Variants in KCTD8 observed in about 807,000 individuals in gnomAD.
KCTD8 encodes BTB/POZ domain-containing protein KCTD8.
KCTD8 carries 27 observed loss-of-function variants against 31.5 expected under a neutral mutation model. The observed-to-expected ratio is 0.86, with a 90% CI of 0.63 to 1.18. The LOEUF is 1.18. KCTD8 is among the 50% of genes most tolerant of loss of function. KCTD8 has a pLI of 0.00. For missense variants in KCTD8, 658 were observed against 647.7 expected, an observed-to-expected ratio of 1.02 and a Z score of -0.17; for synonymous variants, 290 against 280.0, an observed-to-expected ratio of 1.04 and a Z score of -0.36.
intron 1 of KCTD8, among the ~76,000 whole-genome samples, chr4:44,374,469 C>T (rs558430627): frequency 3.8e-4 from 58 of 152,286 alleles, no homozygotes; most frequent in African/African-American, 1.4e-3. Context: ...ACTTTCTTAT[C>T]ATTGTGTGTT....
chr4:44,409,379 A>C (rs1720898042), intron 1 of KCTD8, among the ~76,000 whole-genome samples: 1 of 152,138 alleles, frequency 6.6e-6, no homozygotes. Flanking sequence ...GACATTTTAC[A>C]CTGTATAAAT....
intron 1 of KCTD8, among the ~76,000 whole-genome samples, chr4:44,342,573 A>G (rs1055815282): frequency 4.6e-5 from 7 of 152,164 alleles, no homozygotes; most frequent in Non-Finnish European, 1.0e-4. Context: ...TTGGCTTTAA[A>G]GTCTTCAGTT....
chr4:44,441,341 T>G (rs2109484456), intron 1 of KCTD8, among the ~76,000 whole-genome samples: 1 of 152,288 alleles, frequency 6.6e-6, no homozygotes, highest in African/African-American at 2.4e-5. Flanking sequence ...TGGACTCAAA[T>G]GCTTTATTTT....
chr4:44,252,283 C>A (rs1004820867), intron 1 of KCTD8, among the ~76,000 whole-genome samples: 2 of 150,930 alleles, frequency 1.3e-5, no homozygotes, highest in African/African-American at 4.9e-5. Context: ...TGGGCTAGTT[C>A]CATATTTTTT....
chr4:44,378,717 A>G (rs1028002061), intron 1 of KCTD8, among the ~76,000 whole-genome samples: 1 of 152,148 alleles, frequency 6.6e-6, no homozygotes, highest in Non-Finnish European at 1.5e-5. Context: ...CCCAAGTCAC[A>G]TAAAGATTTG....
At chr4:44,250,330 G>A (rs1715790427) in intron 1 of KCTD8, among the ~76,000 whole-genome samples, 1 of 151,760 alleles carries the variant, frequency 6.6e-6, no homozygotes, top group Admixed American at 6.6e-5. Context: ...AATTTGATGA[G>A]AGTCTAATGA....
intron 1 of KCTD8, among the ~76,000 whole-genome samples, chr4:44,297,312 A>C (rs1460330237): frequency 6.6e-6 from 1 of 152,158 alleles, no homozygotes; most frequent in Non-Finnish European, 1.5e-5. Context: ...ATTGCTTTGC[A>C]AATTAAATCA....
At chr4:44,369,976 G>A (rs570322517) in intron 1 of KCTD8, among the ~76,000 whole-genome samples, 4 of 152,092 alleles carry the variant, frequency 2.6e-5, no homozygotes, top group African/African-American at 9.6e-5. Flanking sequence ...CACATTTCTT[G>A]AATTAAAAAA....
chr4:44,368,511 AG>A (rs1270573676), intron 1 of KCTD8, among the ~76,000 whole-genome samples: 2 of 152,238 alleles, frequency 1.3e-5, no homozygotes, highest in African/African-American at 2.4e-5. Context: ...GATTAGGTGG[AG>A]GACCACATTT....
chr4:44,269,718 AAAGTGGGCAAAGGATATGAAC>A (rs1278564093), intron 1 of KCTD8, among the ~76,000 whole-genome samples: 67 of 152,256 alleles, frequency 4.4e-4, no homozygotes, highest in African/African-American at 1.5e-3. Flanking sequence ...ACCCCATCAA[AAAGTGGGCAAAGGATATGAAC>A]AGACACTTCT....
At chr4:44,216,276 C>T (rs1714648918) in intron 1 of KCTD8, among the ~76,000 whole-genome samples, 1 of 152,064 alleles carries the variant, frequency 6.6e-6, no homozygotes. Context: ...TGGTTTTCCA[C>T]CTTTTACCAC....
intron 1 of KCTD8, among the ~76,000 whole-genome samples, chr4:44,443,007 T>C (rs889792611): frequency 2.0e-5 from 3 of 152,202 alleles, no homozygotes; most frequent in African/African-American, 7.2e-5. Flanking sequence ...TCAATGCCAT[T>C]AAACAACAAT....
intron 1 of KCTD8, among the ~76,000 whole-genome samples, chr4:44,259,478 A>T (rs572843689): frequency 6.6e-6 from 1 of 152,050 alleles, no homozygotes; most frequent in South Asian, 2.1e-4. Flanking sequence ...GGAAAAAAAT[A>T]GTAAGATCCA....
Position 44,319,725 on chromosome 4 carries a change from T to C in KCTD8, c.961+127838A>G, listed in dbSNP as rs1458446972. On this transcript the variant is annotated intron_variant, in intron 1 of 1. Coordinates refer to ENST00000360029, the MANE Select transcript of KCTD8 (RefSeq NM_198353.3). The stretch of plus-strand genomic sequence containing the variant: ...TTGGAATGCCAAAAAGTAAAGAATT[T>C]GGAAGGCCAAAAAATAGAGTCTGGA... Among the ~76,000 whole-genome samples the C allele has an allele frequency of 2.6e-5, 4 of 152,082 alleles. No individual in the cohort carries two copies. In the East Asian group the frequency reaches 7.7e-4, roughly 29 times the overall value.
At chr4:44,403,872 T>C (rs750977211) in intron 1 of KCTD8, among the ~76,000 whole-genome samples, 4 of 152,132 alleles carry the variant, frequency 2.6e-5, no homozygotes, top group African/African-American at 9.7e-5. Flanking sequence ...ATGATTAATA[T>C]TTTTTAAAAA....
intron 1 of KCTD8, among the ~76,000 whole-genome samples, chr4:44,203,354 T>A (rs1577828501): frequency 6.6e-6 from 1 of 151,496 alleles, no homozygotes; most frequent in African/African-American, 2.4e-5. Context: ...AATACAAAAA[T>A]TAGCTGAGTG....
At chr4:44,397,952 C>A (rs989372579) in intron 1 of KCTD8, among the ~76,000 whole-genome samples, 6 of 152,018 alleles carry the variant, frequency 3.9e-5, no homozygotes, top group African/African-American at 9.6e-5. Context: ...TTTAAAAAAA[C>A]AAATTAAATG....
In KCTD8 at chr4:44,175,824, ATGT is replaced by A. The variant is rs769849802; in HGVS notation, c.962-577_962-575del. On this transcript the variant is annotated intron_variant, in intron 1 of 1. Coordinates refer to ENST00000360029, the MANE Select transcript of KCTD8 (RefSeq NM_198353.3). Reference sequence around the variant, plus strand: ...ATTCTTAGTCTCTTAATCTTATTTCATGTCTACTTCCTAGAGGAAAATTGTGAA... The same window carrying A: ...ATTCTTAGTCTCTTAATCTTATTTCACTACTTCCTAGAGGAAAATTGTGAA... 5.8e-4 allele frequency among the ~76,000 whole-genome samples: 88 copies of A among 152,298 alleles called. 1 individual carries two copies. The highest frequency in any genetic ancestry group is 1.2e-3 in the Non-Finnish European group (80 of 68,014).
chr4:44,422,620 T>TA (rs1167874481), intron 1 of KCTD8, among the ~76,000 whole-genome samples: 3 of 152,096 alleles, frequency 2.0e-5, no homozygotes, highest in African/African-American at 7.2e-5. Context: ...ACAGAAATAG[T>TA]ACAACTTGCA....
Sources: allele counts gnomAD v4.1 joint callset (sites outside exome capture counted in the v4.1 genomes callset), GRCh38; gene constraint gnomAD v4.1.1; transcripts MANE v1.5; gene names NCBI Gene and HGNC (gene_info 2026-07-23, HGNC 2026-07-21).